The following CLEC16A variants were observed in gnomAD, a reference collection of about 807,000 sequenced individuals.
CLEC16A encodes the protein C-type lectin domain containing 16A, also known as protein CLEC16A.
Under a neutral mutation model 109.5 loss-of-function variants are expected in CLEC16A, and 51 were observed. The ratio of observed to expected loss-of-function variants is 0.47; its 90% CI spans 0.37 to 0.59. The LOEUF (loss-of-function observed/expected upper bound fraction) is 0.59, where lower values mean the gene tolerates loss of function less well. Among genes scored for constraint, CLEC16A ranks in the 20% least tolerant of loss-of-function variants. The probability of loss-of-function intolerance (pLI) is 0.00; values close to 1 mark genes in which losing one functional copy is unlikely to be tolerated. For missense variants in CLEC16A, 1,339 were observed against 1,394.0 expected (o/e 0.96, Z 0.63); for synonymous variants, 673 against 564.2 (o/e 1.19, Z -2.73).
chr16:11,151,833 G>T (rs545144051), intron 22 of CLEC16A, among the ~76,000 whole-genome samples: 1 of 152,206 alleles, frequency 6.6e-6, no homozygotes, highest in Non-Finnish European at 1.5e-5. Context: ...GGCGGGGGCC[G>T]GCTGGGGAAG....
intron 18 of CLEC16A, among the ~76,000 whole-genome samples, chr16:11,054,118 G>A (rs1403239222): frequency 4.6e-5 from 7 of 152,234 alleles, no homozygotes. Context: ...GGTGCTGGCA[G>A]GAGCCAGATC....
chr16:11,003,775 T>A (rs557344610), intron 11 of CLEC16A, among the ~76,000 whole-genome samples: 1 of 152,148 alleles, frequency 6.6e-6, no homozygotes, highest in East Asian at 1.9e-4. Context: ...TTATTCCCAA[T>A]AACCTGGGGT....
intron 11 of CLEC16A, among the ~76,000 whole-genome samples, chr16:11,007,430 C>T (rs902527968): frequency 3.3e-5 from 5 of 152,194 alleles, no homozygotes; most frequent in Non-Finnish European, 5.9e-5. Context: ...TTGGGGCAAG[C>T]CAGGGACTGA....
At chr16:11,146,084 G>A (rs1389252424) in intron 22 of CLEC16A, among the ~76,000 whole-genome samples, 1 of 152,100 alleles carries the variant, frequency 6.6e-6, no homozygotes, top group African/African-American at 2.4e-5. Flanking sequence ...AGTCGCCCTG[G>A]GTACCTATGT....
In CLEC16A at chr16:11,140,768, C is replaced by T. The variant is rs556915672; in HGVS notation, c.2641+14622C>T. On this transcript the variant is annotated intron_variant, in intron 22 of 23. Transcript: ENST00000409790. ...TTGTTTAAACTGTGCCACAGCCCTG[C>T]CGAGGAAGCCATTGCAATCAAGAGG... Among the ~76,000 whole-genome samples, 5 of 152,314 alleles carry T rather than the reference C, an allele frequency of 3.3e-5. No homozygotes were observed. The East Asian group carries it at 7.7e-4, about 23-fold the overall frequency.
chr16:11,153,551 G>A (rs555977521), intron 22 of CLEC16A, among the ~76,000 whole-genome samples: 7 of 150,664 alleles, frequency 4.6e-5, no homozygotes, highest in African/African-American at 9.8e-5. Flanking sequence ...TTTAAGAAAC[G>A]TCACTCTAAG....
intron 12 of CLEC16A, among the ~76,000 whole-genome samples, chr16:11,023,021 A>G (rs966158300): frequency 4.6e-5 from 7 of 150,622 alleles, no homozygotes; most frequent in African/African-American, 1.7e-4. Context: ...AATCTTAAAA[A>G]GCATAAAGGG....
At chr16:11,032,170 A>G (rs1304004434) in intron 13 of CLEC16A, among the ~76,000 whole-genome samples, 10 of 152,200 alleles carry the variant, frequency 6.6e-5, no homozygotes, top group Non-Finnish European at 1.2e-4. Context: ...AAGAAGGGGC[A>G]TGAGAGCCTG....
chr16:11,041,879 C>T (rs1053623248), intron 14 of CLEC16A: 52 of 176,920 alleles, frequency 2.9e-4, no homozygotes, highest in African/African-American at 1.0e-3. Context: ...AACCCTGGAA[C>T]GGGGAAGGAG....
At position 11,044,049 on chromosome 16, in the gene CLEC16A, C is replaced by A. The variant is rs74163619; in HGVS notation, c.1792C>A (p.His598Asn). The A allele has an allele frequency of 8.7e-6, 14 of 1,609,402 alleles. No homozygotes were observed. Among genetic ancestry groups the A allele is most frequent in the Non-Finnish European group, 1.1e-5 (13 of 1,177,098 alleles). Residue 598 changes from histidine (H) to asparagine (N), a missense_variant, in exon 16 of 24, where the codon CAC becomes AAC. Coordinates refer to ENST00000409790, the MANE Select transcript of CLEC16A (RefSeq NM_015226.3). ...CLEGAREESVHLVRHFYKGED... is the reference protein window; with the variant it reads ...CLEGAREESVNLVRHFYKGED... ...ACAGGGTGCGAGAGAAGAAAGTGTTCACCTTGTACGACATTTTTATAAGGT... is the reference window on the plus strand; with the variant it reads ...ACAGGGTGCGAGAGAAGAAAGTGTTAACCTTGTACGACATTTTTATAAGGT...
chr16:11,126,202 G>A, intron 22 of CLEC16A, 56 bp downstream of exon 22: 2 of 1,607,874 alleles, frequency 1.2e-6, no homozygotes, highest in Non-Finnish European at 1.7e-6. Context: ...GGCGTTCAAG[G>A]TCTTTCTCTC....
intron 21 of CLEC16A, 80 bp from the exon 22 acceptor site, chr16:11,125,899 C>A (rs2052771535): frequency 1.2e-5 from 5 of 426,630 alleles, no homozygotes; most frequent in South Asian, 9.2e-5. Context: ...ACAGCCACTA[C>A]GATGTCCCCC....
intron 19 of CLEC16A, among the ~76,000 whole-genome samples, chr16:11,086,336 C>G (rs2050006825): frequency 6.6e-6 from 1 of 152,204 alleles, no homozygotes; most frequent in African/African-American, 2.4e-5. Flanking sequence ...AATTCCTCCA[C>G]CTCATCTGTA....
intron 22 of CLEC16A, among the ~76,000 whole-genome samples, chr16:11,159,538 T>C (rs1347341705): frequency 6.6e-6 from 1 of 152,042 alleles, no homozygotes; most frequent in African/African-American, 2.4e-5. Context: ...TAAATTGGAG[T>C]TTCACCATTT....
At chr16:11,102,958 C>T (rs1001289481) in intron 19 of CLEC16A, among the ~76,000 whole-genome samples, 4 of 152,232 alleles carry the variant, frequency 2.6e-5, no homozygotes, top group African/African-American at 9.6e-5. Context: ...AGGGGCAGAG[C>T]TCAGTCTAAA....
chr16:11,014,652 A>G (rs1361656876), intron 11 of CLEC16A, among the ~76,000 whole-genome samples: 1 of 152,260 alleles, frequency 6.6e-6, no homozygotes, highest in Admixed American at 6.5e-5. Context: ...AAATAGTATC[A>G]TAACTGAGGT....
At chr16:10,967,438 C>G (rs2042566572) in intron 3 of CLEC16A, among the ~76,000 whole-genome samples, 1 of 152,170 alleles carries the variant, frequency 6.6e-6, no homozygotes, top group South Asian at 2.1e-4. Flanking sequence ...CTCACCCTGT[C>G]GCCTAGGCTA....
intron 23 of CLEC16A, among the ~76,000 whole-genome samples, chr16:11,175,747 C>T (rs973494930): frequency 6.6e-5 from 10 of 152,144 alleles, no homozygotes; most frequent in East Asian, 1.9e-4. Context: ...CAGTTCTGTG[C>T]GCATGCTATT....
chr16:11,040,136 C>A (rs2047243022), intron 14 of CLEC16A: 1 of 442,650 alleles, frequency 2.3e-6, no homozygotes. Flanking sequence ...CCCCGCCCTT[C>A]TTTTGCTGAG....
Sources: allele counts gnomAD v4.1 joint callset (sites outside exome capture counted in the v4.1 genomes callset), GRCh38; gene constraint gnomAD v4.1.1; transcripts MANE v1.5; gene names NCBI Gene and HGNC (gene_info 2026-07-23, HGNC 2026-07-21).